The following RYR2 variants were observed in gnomAD, a reference collection of about 807,000 sequenced individuals.
RYR2 encodes ryanodine receptor 2, also known as cardiac muscle ryanodine receptor-calcium release channel.
Under a neutral mutation model 601.1 loss-of-function variants are expected in RYR2, and 227 were observed. The ratio of observed to expected loss-of-function variants is 0.38; its 90% CI spans 0.34 to 0.42. RYR2 has a LOEUF of 0.42. Ranked by LOEUF, RYR2 falls within the 10% of genes least tolerant of loss-of-function variation. RYR2 has a pLI of 1.00. For synonymous variants in RYR2, 2,223 were observed against 2,175.1 expected, an observed-to-expected ratio of 1.02 and a Z score of -0.61; for missense variants, 4,646 against 6,156.5, an observed-to-expected ratio of 0.75 and a Z score of 8.21.
At chr1:237,370,320 G>A (rs1700537315) in intron 6 of RYR2, among the ~76,000 whole-genome samples, 1 of 151,872 alleles carries the variant, frequency 6.6e-6, no homozygotes, top group Non-Finnish European at 1.5e-5. Context: ...ATATCCCCCT[G>A]TTGACCAGAA....
intron 1 of RYR2, among the ~76,000 whole-genome samples, chr1:237,220,950 G>T (rs1392067068): frequency 6.6e-6 from 1 of 152,044 alleles, no homozygotes; most frequent in Non-Finnish European, 1.5e-5. Flanking sequence ...AAAAAATGTA[G>T]CTGGGCGTGG....
Position 237,709,039 on chromosome 1 carries a change from A to G in RYR2, c.10083A>G (p.Thr3361=), listed in dbSNP as rs1688607788. 6.2e-7 allele frequency: 1 copy of G among 1,611,778 alleles called. No homozygotes were observed. The highest frequency in any genetic ancestry group is 1.7e-5 in the Admixed American group (1 of 59,928). The change falls in exon 69 of 105, where the codon ACA becomes ACG. Residue 3361 remains threonine, a synonymous_variant. Coordinates refer to ENST00000366574, the MANE Select transcript of RYR2 (RefSeq NM_001035.3). The part of the protein sequence containing the change: ...AELLILDEFT[T]LARDLYAFYP... ...TCCTCATCCTAGATGAGTTCACCAC[A>G]CTGGCCAGAGATCTCTATGCCTTCT... is the stretch of plus-strand genomic sequence containing the variant.
At chr1:237,601,032 G>T (rs989746030) in intron 34 of RYR2, among the ~76,000 whole-genome samples, 1 of 152,156 alleles carries the variant, frequency 6.6e-6, no homozygotes. Context: ...CAGTATGGAG[G>T]TTCCTCAACA....
chr1:237,542,725 C>T (rs978119966), intron 25 of RYR2, among the ~76,000 whole-genome samples: 2 of 152,150 alleles, frequency 1.3e-5, no homozygotes, highest in African/African-American at 4.8e-5. Flanking sequence ...TTGGAGATTG[C>T]AGCCTATTGG....
chr1:237,766,399 A>C (rs940197099), intron 84 of RYR2, among the ~76,000 whole-genome samples: 1 of 152,212 alleles, frequency 6.6e-6, no homozygotes, highest in Non-Finnish European at 1.5e-5. Context: ...AAAGATAGTG[A>C]CCAGCATTAT....
At chr1:237,571,101 C>T (rs563587370) in intron 29 of RYR2, among the ~76,000 whole-genome samples, 2 of 152,184 alleles carry the variant, frequency 1.3e-5, no homozygotes, top group South Asian at 2.1e-4. Context: ...GTACTCCAGC[C>T]TGGGTGACAG....
chr1:237,654,482 A>T, intron 52 of RYR2, 68 bp downstream of exon 52: 1 of 1,495,366 alleles, frequency 6.7e-7, no homozygotes, highest in Non-Finnish European at 9.2e-7. Context: ...TCTTAGTAAG[A>T]TAGTATTCCT....
At chr1:237,645,251 A>C (rs754775547) in intron 48 of RYR2, among the ~76,000 whole-genome samples, 3 of 152,158 alleles carry the variant, frequency 2.0e-5, no homozygotes, top group Non-Finnish European at 2.9e-5. Flanking sequence ...CCAAATCTAC[A>C]AGGTGGCAAA....
chr1:237,704,771 G>C (rs1244604389), intron 66 of RYR2, among the ~76,000 whole-genome samples: 2 of 151,712 alleles, frequency 1.3e-5, no homozygotes, highest in African/African-American at 4.8e-5. Context: ...AAGACATTTT[G>C]AAAAAAATAG....
intron 80 of RYR2, among the ~76,000 whole-genome samples, chr1:237,744,864 T>C (rs1691940057): frequency 6.6e-6 from 1 of 150,790 alleles, no homozygotes; most frequent in African/African-American, 2.4e-5. Flanking sequence ...TGGCAGGATC[T>C]CAGCTCACTG....
chr1:237,171,915 GAGGTTAAA>G (rs961665226), intron 1 of RYR2, among the ~76,000 whole-genome samples: 1 of 152,192 alleles, frequency 6.6e-6, no homozygotes, highest in Non-Finnish European at 1.5e-5. Flanking sequence ...TTGCCCCCAA[GAGGTTAAA>G]AGCAGTTTTC....
At chr1:237,518,222 A>G (rs2147834366) in intron 24 of RYR2, among the ~76,000 whole-genome samples, 1 of 152,216 alleles carries the variant, frequency 6.6e-6, no homozygotes, top group African/African-American at 2.4e-5. Flanking sequence ...GATCCAATTG[A>G]AATACACCCT....
chr1:237,601,903 A>G, intron 34 of RYR2, 122 bp from the exon 35 acceptor site: 1 of 718,132 alleles, frequency 1.4e-6, no homozygotes, highest in Non-Finnish European at 2.3e-6. Flanking sequence ...ATCAATCGAT[A>G]TGCAAGAAAG....
intron 74 of RYR2, among the ~76,000 whole-genome samples, chr1:237,725,409 T>C (rs762760434): frequency 3.0e-4 from 46 of 152,282 alleles, no homozygotes; most frequent in Middle Eastern, 3.4e-3. Context: ...AAGAATATTT[T>C]AACTTGCAAA....
intron 14 of RYR2, among the ~76,000 whole-genome samples, chr1:237,452,667 A>C (rs1407351752): frequency 6.6e-6 from 1 of 150,498 alleles, no homozygotes; most frequent in Non-Finnish European, 1.5e-5. Context: ...GTAATAATAT[A>C]GTTTAATCTT....
At chr1:237,185,093 T>G (rs962263482) in intron 1 of RYR2, among the ~76,000 whole-genome samples, 10 of 152,102 alleles carry the variant, frequency 6.6e-5, no homozygotes. Context: ...CTTGAACTCC[T>G]GGACTCAAGC....
intron 1 of RYR2, among the ~76,000 whole-genome samples, chr1:237,229,805 G>A (rs554231421): frequency 6.6e-6 from 1 of 152,228 alleles, no homozygotes; most frequent in East Asian, 1.9e-4. Flanking sequence ...TGCCCTTACT[G>A]TAAGCTCAAG....
chr1:237,806,108 T>C, intron 98 of RYR2, 29 bp from the exon 99 acceptor site: 2 of 1,606,818 alleles, frequency 1.2e-6, no homozygotes, highest in Non-Finnish European at 1.7e-6. Context: ...TTTTCTGACA[T>C]GTTCTTTCCC....
At chr1:237,388,005 A>G (rs1702078609) in intron 9 of RYR2, 82 bp from the exon 10 acceptor site, 5 of 1,259,430 alleles carry the variant, frequency 4.0e-6, no homozygotes, top group Admixed American at 1.9e-5. Flanking sequence ...TTACGAAAGT[A>G]GAAGATTGGA....
Sources: allele counts gnomAD v4.1 joint callset (sites outside exome capture counted in the v4.1 genomes callset), GRCh38; gene constraint gnomAD v4.1.1; transcripts MANE v1.5; gene names NCBI Gene and HGNC (gene_info 2026-07-23, HGNC 2026-07-21).